The following FTO variants were observed in gnomAD, a reference collection of about 807,000 sequenced individuals.
FTO encodes the protein FTO alpha-ketoglutarate dependent dioxygenase.
Under a neutral mutation model 63.9 loss-of-function variants are expected in FTO, and 47 were observed. That is an observed-to-expected ratio of 0.74 (90% CI 0.58 to 0.94). FTO has a LOEUF of 0.94. Among genes scored for constraint, FTO ranks in the 40% least tolerant of loss-of-function variants. The probability of loss-of-function intolerance (pLI) is 0.00; values close to 1 mark genes in which losing one functional copy is unlikely to be tolerated. For synonymous variants in FTO, 207 were observed against 224.4 expected, an observed-to-expected ratio of 0.92 and a Z score of 0.69; for missense variants, 562 against 618.1, an observed-to-expected ratio of 0.91 and a Z score of 0.96.
At chr16:53,942,144 GT>G (rs145550381) in intron 8 of FTO, among the ~76,000 whole-genome samples, 5,018 of 152,258 alleles carry the variant, frequency 0.033, 93 homozygotes, top group African/African-American at 0.043. Context: ...GAAATTCGAA[GT>G]CAGGATGGAT....
chr16:54,009,154 G>C (rs2084282480), intron 8 of FTO, among the ~76,000 whole-genome samples: 1 of 152,082 alleles, frequency 6.6e-6, no homozygotes, highest in Admixed American at 6.5e-5. Flanking sequence ...TTACATGGTG[G>C]GTGTTAAGCA....
At chr16:54,068,452 G>T (rs2085784154) in intron 8 of FTO, among the ~76,000 whole-genome samples, 1 of 152,106 alleles carries the variant, frequency 6.6e-6, no homozygotes, top group Non-Finnish European at 1.5e-5. Context: ...TTCACCCAGG[G>T]GTGAGAAGGA....
At chr16:53,713,968 C>T (rs1268117580) in intron 1 of FTO, among the ~76,000 whole-genome samples, 1 of 152,146 alleles carries the variant, frequency 6.6e-6, no homozygotes, top group Non-Finnish European at 1.5e-5. Flanking sequence ...TTGCTATAAG[C>T]ATCTGTCCTG....
chr16:53,950,072 A>T (rs1238220402), intron 8 of FTO, among the ~76,000 whole-genome samples: 7 of 130,130 alleles, frequency 5.4e-5, no homozygotes, highest in Admixed American at 8.2e-5. Flanking sequence ...TTATTTAAAC[A>T]TTTTTTTTTT....
chr16:53,716,543 T>C (rs891534399), intron 1 of FTO, among the ~76,000 whole-genome samples: 1 of 152,094 alleles, frequency 6.6e-6, no homozygotes, highest in Non-Finnish European at 1.5e-5. Context: ...GATTAAATGA[T>C]TTAATATATG....
chr16:53,858,734 C>G (rs1322787310), intron 4 of FTO, among the ~76,000 whole-genome samples: 1 of 151,352 alleles, frequency 6.6e-6, no homozygotes. Flanking sequence ...GATCTCGGCT[C>G]ACTGCAACCT....
chr16:54,017,668 C>T (rs1218565184), intron 8 of FTO, among the ~76,000 whole-genome samples: 1 of 152,048 alleles, frequency 6.6e-6, no homozygotes, highest in Non-Finnish European at 1.5e-5. Context: ...TTTTGTTCAC[C>T]TTACCCAAAT....
chr16:54,111,730 C>A, intron 8 of FTO, 32 bp from the exon 9 acceptor site: 1 of 1,613,682 alleles, frequency 6.2e-7, no homozygotes, highest in East Asian at 2.2e-5. Flanking sequence ...GGTTTCCTCC[C>A]GTGGATTAAT....
At position 54,080,377 on chromosome 16, in the gene FTO, T is replaced by A. The variant is rs143560118; in HGVS notation, c.1365-31385T>A. 4.5e-4 allele frequency among the ~76,000 whole-genome samples: 68 copies of A among 152,348 alleles called. No homozygotes were observed. The East Asian group carries it at 0.012, about 28-fold the overall frequency. On this transcript the variant is annotated intron_variant, in intron 8 of 8. Transcript: ENST00000471389. Reference sequence around the variant, plus strand: ...GGGCTAGTCACTGAGTGCCAGGCATTGTGCTATACATTTTGCATTCACGAT... The same window carrying A: ...GGGCTAGTCACTGAGTGCCAGGCATAGTGCTATACATTTTGCATTCACGAT...
At chr16:54,092,571 C>T (rs1277198633) in intron 8 of FTO, among the ~76,000 whole-genome samples, 3 of 152,310 alleles carry the variant, frequency 2.0e-5, no homozygotes, top group East Asian at 3.9e-4. Context: ...AGATTCTTTA[C>T]AGTTGAACCT....
intron 5 of FTO, among the ~76,000 whole-genome samples, chr16:53,876,516 A>G (rs1206142691): frequency 6.6e-6 from 1 of 152,240 alleles, no homozygotes; most frequent in Non-Finnish European, 1.5e-5. Context: ...AATGGGAGAA[A>G]ATATCTGCAA....
intron 8 of FTO, chr16:54,013,539 G>A (rs972400234): frequency 6.6e-6 from 1 of 152,282 alleles, no homozygotes; most frequent in Non-Finnish European, 1.5e-5. Flanking sequence ...AAACAGCATT[G>A]CATGCTACAG....
intron 1 of FTO, among the ~76,000 whole-genome samples, chr16:53,736,618 A>G (rs1460255008): frequency 2.6e-5 from 4 of 151,908 alleles, no homozygotes; most frequent in Non-Finnish European, 5.9e-5. Flanking sequence ...TCTTGCCTCT[A>G]TTTTTCCCTT....
At chr16:53,993,866 G>A (rs960775258) in intron 8 of FTO, 3 of 152,128 alleles carry the variant, frequency 2.0e-5, no homozygotes, top group South Asian at 2.1e-4. Flanking sequence ...TAGGATTTAC[G>A]GGATATATCC....
chr16:53,875,731 A>G (rs1022955988), intron 5 of FTO, among the ~76,000 whole-genome samples: 2 of 152,246 alleles, frequency 1.3e-5, no homozygotes, highest in African/African-American at 4.8e-5. Flanking sequence ...ATTGAACTTT[A>G]TAGTGTTCAA....
At chr16:54,059,535 T>C (rs1243180718) in intron 8 of FTO, among the ~76,000 whole-genome samples, 1 of 152,162 alleles carries the variant, frequency 6.6e-6, no homozygotes, top group African/African-American at 2.4e-5. Context: ...AATTTCCTGT[T>C]TGATATTGTC....
chr16:53,838,928 G>A (rs2079385302), intron 3 of FTO, among the ~76,000 whole-genome samples: 1 of 152,108 alleles, frequency 6.6e-6, no homozygotes, highest in Non-Finnish European at 1.5e-5. Flanking sequence ...ACACTATTAT[G>A]TATGTTATTA....
At chr16:53,892,827 G>A (rs1169679911) in intron 7 of FTO, among the ~76,000 whole-genome samples, 1 of 152,092 alleles carries the variant, frequency 6.6e-6, no homozygotes, top group Non-Finnish European at 1.5e-5. Flanking sequence ...CTTTGTGGCT[G>A]CAAGGTGTAG....
intron 6 of FTO, among the ~76,000 whole-genome samples, chr16:53,885,706 T>C (rs1269941728): frequency 6.6e-6 from 1 of 152,204 alleles, no homozygotes; most frequent in Non-Finnish European, 1.5e-5. Flanking sequence ...ATGACATAGC[T>C]ATTCTGTAGT....
Sources: allele counts gnomAD v4.1 joint callset (sites outside exome capture counted in the v4.1 genomes callset), GRCh38; gene constraint gnomAD v4.1.1; transcripts MANE v1.5; gene names NCBI Gene and HGNC (gene_info 2026-07-23, HGNC 2026-07-21).